The following PACRG variants were observed in gnomAD, a reference collection of about 807,000 sequenced individuals.
PACRG encodes the protein parkin coregulated gene protein.
A neutral mutation model predicts 29.7 loss-of-function variants in PACRG; 29 were observed. The ratio of observed to expected loss-of-function variants is 0.98; its 90% CI spans 0.73 to 1.33. The LOEUF is 1.33. Ranked by LOEUF, PACRG falls within the 40% of genes most tolerant of loss-of-function variation. The pLI is 0.00. For synonymous variants in PACRG, 116 were observed against 118.7 expected, an observed-to-expected ratio of 0.98 and a Z score of 0.15; for missense variants, 279 against 316.2, an observed-to-expected ratio of 0.88 and a Z score of 0.89.
chr6:163,172,887 T>C (rs1779154317), intron 4 of PACRG, among the ~76,000 whole-genome samples: 2 of 152,240 alleles, frequency 1.3e-5, no homozygotes, highest in African/African-American at 4.8e-5. Context: ...TTCAATCTGT[T>C]TTTAATAATA....
At chr6:163,156,550 G>A (rs1030022186) in intron 4 of PACRG, among the ~76,000 whole-genome samples, 2 of 152,024 alleles carry the variant, frequency 1.3e-5, no homozygotes, top group East Asian at 3.9e-4. Flanking sequence ...CTTGGGAGCC[G>A]TGCCCCTCCC....
chr6:163,034,727 C>G (rs1253810230), intron 2 of PACRG, among the ~76,000 whole-genome samples: 2 of 152,104 alleles, frequency 1.3e-5, no homozygotes, highest in African/African-American at 4.8e-5. Flanking sequence ...CACCACTTAC[C>G]TAGTTAGCCT....
chr6:162,934,323 C>T (rs572691634), intron 2 of PACRG, among the ~76,000 whole-genome samples: 18 of 152,066 alleles, frequency 1.2e-4, no homozygotes, highest in South Asian at 6.2e-4. Context: ...GTTGGGAGGG[C>T]GGGCGTTAAA....
intron 4 of PACRG, among the ~76,000 whole-genome samples, chr6:163,200,537 G>A (rs901455344): frequency 2.6e-5 from 4 of 152,006 alleles, no homozygotes; most frequent in African/African-American, 9.7e-5. Context: ...TCCAAACAAC[G>A]CACAGCCATG....
chr6:163,025,976 A>G (rs900311834), intron 2 of PACRG, among the ~76,000 whole-genome samples: 5 of 152,360 alleles, frequency 3.3e-5, no homozygotes, highest in East Asian at 1.9e-4. Context: ...AGCTAAAGCT[A>G]TAGTTAAACT....
Position 163,314,840 on chromosome 6 carries a change from C to T in PACRG, c.627C>T (p.Asp209=), listed in dbSNP as rs374673683. The change falls in exon 5 of 5, where the codon GAC becomes GAT. Residue 209 remains aspartate (D), a synonymous_variant. Coordinates refer to ENST00000366888, the MANE Select transcript of PACRG (RefSeq NM_001080379.2). ...IFKNMNVNSG[D]GIDYSQQKRE... The stretch of plus-strand genomic sequence containing the variant: ...TGCATGCACCAGTGAACTCCGGAGA[C>T]GGCATTGACTACAGCCAGCAGAAGA... The T allele has an allele frequency of 3.5e-5, 57 of 1,613,792 alleles. No individual in the cohort carries two copies. The highest frequency in any genetic ancestry group is 5.3e-5 in the African/African-American group (4 of 74,994).
chr6:162,735,136 A>G (rs1430932519), intron 1 of PACRG, among the ~76,000 whole-genome samples: 1 of 152,198 alleles, frequency 6.6e-6, no homozygotes, highest in East Asian at 1.9e-4. Flanking sequence ...TTATTTATCC[A>G]TCGCTTCCTC....
intron 1 of PACRG, among the ~76,000 whole-genome samples, chr6:162,733,169 G>A (rs887672291): frequency 6.6e-6 from 1 of 152,178 alleles, no homozygotes; most frequent in Non-Finnish European, 1.5e-5. Context: ...CTGTCAAGAA[G>A]CTTATATTTT....
At chr6:163,200,001 A>T (rs986046890) in intron 4 of PACRG, among the ~76,000 whole-genome samples, 3 of 152,214 alleles carry the variant, frequency 2.0e-5, no homozygotes, top group Non-Finnish European at 2.9e-5. Context: ...TAGTGTATTT[A>T]TCTTTCTGCA....
chr6:162,793,588 G>A (rs1467923268), intron 1 of PACRG, among the ~76,000 whole-genome samples: 1 of 152,184 alleles, frequency 6.6e-6, no homozygotes, highest in Non-Finnish European at 1.5e-5. Flanking sequence ...AGGAAGAAAG[G>A]AATTGACATG....
At chr6:163,003,382 T>G (rs1382416545) in intron 2 of PACRG, among the ~76,000 whole-genome samples, 1 of 152,196 alleles carries the variant, frequency 6.6e-6, no homozygotes, top group East Asian at 1.9e-4. Flanking sequence ...ATTTGAATGT[T>G]AAACCCTTGC....
intron 1 of PACRG, among the ~76,000 whole-genome samples, chr6:162,730,868 T>G (rs1314056163): frequency 6.6e-6 from 1 of 152,170 alleles, no homozygotes; most frequent in Non-Finnish European, 1.5e-5. Flanking sequence ...GAAGATTTCA[T>G]AGTTCATTTT....
At chr6:163,275,054 A>G (rs539211677) in intron 4 of PACRG, among the ~76,000 whole-genome samples, 19 of 151,548 alleles carry the variant, frequency 1.3e-4, no homozygotes, top group Admixed American at 3.9e-4. Flanking sequence ...TTGTCTTTTT[A>G]ATAGAGACGG....
At chr6:163,022,343 G>A (rs886843215) in intron 2 of PACRG, among the ~76,000 whole-genome samples, 1 of 152,244 alleles carries the variant, frequency 6.6e-6, no homozygotes, top group African/African-American at 2.4e-5. Flanking sequence ...GAACATCAGT[G>A]TCTCTGGCTG....
chr6:163,063,696 C>T (rs969059995), intron 3 of PACRG, among the ~76,000 whole-genome samples: 4 of 152,214 alleles, frequency 2.6e-5, no homozygotes, highest in African/African-American at 9.6e-5. Context: ...TAAGTGACCA[C>T]ACCACATTTC....
At chr6:163,211,426 T>G (rs1781134616) in intron 4 of PACRG, among the ~76,000 whole-genome samples, 1 of 152,206 alleles carries the variant, frequency 6.6e-6, no homozygotes, top group African/African-American at 2.4e-5. Context: ...TGAACAAATT[T>G]TTTAAATTTA....
At chr6:163,179,437 C>A (rs529398885) in intron 4 of PACRG, 1 of 306,750 alleles carries the variant, frequency 3.3e-6, no homozygotes, top group Non-Finnish European at 6.5e-6. Context: ...TGGTGGCTCA[C>A]GCTTGTAATC....
intron 1 of PACRG, among the ~76,000 whole-genome samples, chr6:162,736,367 C>T (rs1187086386): frequency 1.3e-5 from 2 of 152,104 alleles, no homozygotes; most frequent in African/African-American, 2.4e-5. Context: ...ATGGAATTTA[C>T]AGTGCTCACA....
At chr6:163,238,069 A>T (rs2128166609) in intron 4 of PACRG, among the ~76,000 whole-genome samples, 1 of 152,312 alleles carries the variant, frequency 6.6e-6, no homozygotes, top group South Asian at 2.1e-4. Context: ...GAGTGTTGCC[A>T]AACCCTTTTA....
Sources: gnomAD v4.1 joint callset for allele counts (sites outside exome capture counted in the v4.1 genomes callset) on GRCh38, gnomAD v4.1.1 for gene constraint, MANE v1.5 for transcripts, NCBI Gene and HGNC (gene_info 2026-07-23, HGNC 2026-07-21) for gene names.